Variants in MGST1 observed in about 807,000 individuals in gnomAD.
MGST1 encodes glutathione S-transferase 12.
MGST1 carries 5 observed loss-of-function variants against 8.9 expected under a neutral mutation model. The observed-to-expected ratio is 0.56, with a 90% CI of 0.29 to 1.19. The LOEUF is 1.19. MGST1 is among the 50% of genes most tolerant of loss of function. MGST1 has a pLI of 0.08. For missense variants in MGST1, 182 were observed against 187.4 expected (o/e 0.97, Z 0.17); for synonymous variants, 54 against 67.8 (o/e 0.80, Z 1.00).
chr12:16,431,198 G>A (rs374961179), intron 1 of MGST1, among the ~76,000 whole-genome samples: 1 of 152,214 alleles, frequency 6.6e-6, no homozygotes, highest in East Asian at 1.9e-4. Flanking sequence ...TTTGGCTTCA[G>A]GGGACATTGT....
At chr12:16,527,969 C>A (rs910166370) in intron 4 of MGST1, among the ~76,000 whole-genome samples, 1 of 151,882 alleles carries the variant, frequency 6.6e-6, no homozygotes, top group Non-Finnish European at 1.5e-5. Context: ...AGGTATTTAT[C>A]CAAGTTTGCA....
chr12:16,443,358 G>A (rs979110563), downstream of MGST1, among the ~76,000 whole-genome samples: 16 of 151,756 alleles, frequency 1.1e-4, no homozygotes, highest in Non-Finnish European at 2.4e-4. Flanking sequence ...TTACGACATA[G>A]TTAGGTATAA....
chr12:16,355,069 G>T (rs561890476), intron 2 of MGST1, among the ~76,000 whole-genome samples: 8 of 152,102 alleles, frequency 5.3e-5, no homozygotes, highest in Non-Finnish European at 1.0e-4. Context: ...TTTCACGGGG[G>T]TAGTCCCTGT....
At chr12:16,414,884 C>G (rs766710553) in intron 1 of MGST1, among the ~76,000 whole-genome samples, 1 of 152,004 alleles carries the variant, frequency 6.6e-6, no homozygotes, top group African/African-American at 2.4e-5. Flanking sequence ...ATTAGCCGGG[C>G]GTGATGGCAC....
downstream of MGST1, among the ~76,000 whole-genome samples, chr12:16,365,078 G>T (rs539820405): frequency 1.4e-4 from 22 of 152,204 alleles, no homozygotes; most frequent in Admixed American, 5.2e-4. Flanking sequence ...TAAATTTGAT[G>T]AATTTAGTAA....
intron 4 of MGST1, among the ~76,000 whole-genome samples, chr12:16,490,892 G>A (rs1437844477): frequency 6.6e-6 from 1 of 151,962 alleles, no homozygotes; most frequent in African/African-American, 2.4e-5. Context: ...GAAATGACAT[G>A]ATTTATTAAG....
At chr12:16,358,471 CTT>C (rs796550483) in intron 3 of MGST1, among the ~76,000 whole-genome samples, 5 of 144,748 alleles carry the variant, frequency 3.5e-5, no homozygotes, top group African/African-American at 7.6e-5. Context: ...TGATTTCATT[CTT>C]TTTTTTTTTT....
At chr12:16,454,088 G>A (rs905403654) in intron 4 of MGST1, among the ~76,000 whole-genome samples, 4 of 151,872 alleles carry the variant, frequency 2.6e-5, no homozygotes, top group East Asian at 3.9e-4. Context: ...GGAATGCCCC[G>A]GCCCAGAGGA....
rs1941388824 is a variant in MGST1, at chr12:16,484,859, AT to A, written n.482+101259del. Among the ~76,000 whole-genome samples the A allele has an allele frequency of 2.0e-5, 3 of 152,274 alleles. No homozygotes were observed. The South Asian group carries it at 6.2e-4, about 32-fold the overall frequency. On this transcript the variant is annotated intron_variant and non_coding_transcript_variant, in intron 4 of 4. Transcript: ENST00000538857. ...TCACTTTCCAGTGATGTTGTAAGATATTTTGCATCTTATAAATTTTTTAATT... is the reference window on the plus strand; with the variant it reads ...TCACTTTCCAGTGATGTTGTAAGATATTTGCATCTTATAAATTTTTTAATT...
At chr12:16,437,531 A>G (rs929002267) in exon 2 of MGST1, 3 of 151,810 alleles carry the variant, frequency 2.0e-5, no homozygotes, top group Admixed American at 1.3e-4. Flanking sequence ...AGTTCTTCAT[A>G]CTCTACTGAC....
At chr12:16,580,415 A>G (rs1943123524) in intron 4 of MGST1, among the ~76,000 whole-genome samples, 1 of 152,248 alleles carries the variant, frequency 6.6e-6, no homozygotes, top group African/African-American at 2.4e-5. Flanking sequence ...GGTCTCTTTA[A>G]TAAGTGAATG....
At chr12:16,432,912 A>G (rs757396015) in intron 1 of MGST1, among the ~76,000 whole-genome samples, 4 of 152,116 alleles carry the variant, frequency 2.6e-5, no homozygotes, top group Non-Finnish European at 4.4e-5. Context: ...GTGTCTGTCA[A>G]TGGTGACCTA....
chr12:16,518,813 A>G (rs1457082052), intron 4 of MGST1, among the ~76,000 whole-genome samples: 2 of 152,186 alleles, frequency 1.3e-5, no homozygotes, highest in African/African-American at 4.8e-5. Context: ...TTCTCTCCAG[A>G]GCCTTAGTCC....
chr12:16,569,042 G>A (rs1388062278), intron 4 of MGST1, among the ~76,000 whole-genome samples: 23 of 152,120 alleles, frequency 1.5e-4, no homozygotes, highest in Non-Finnish European at 2.9e-5. Context: ...CCCACCTATT[G>A]TTCCAGTTTC....
intron 4 of MGST1, among the ~76,000 whole-genome samples, chr12:16,543,730 C>T (rs190140513): frequency 1.3e-5 from 2 of 152,090 alleles, no homozygotes; most frequent in East Asian, 3.9e-4. Flanking sequence ...TCATTTTCTG[C>T]CTGATGGCAA....
At chr12:16,421,092 A>T (rs920918926) in intron 1 of MGST1, among the ~76,000 whole-genome samples, 1 of 152,058 alleles carries the variant, frequency 6.6e-6, no homozygotes, top group Admixed American at 6.5e-5. Flanking sequence ...GATCTAGATT[A>T]CTTAACCAGA....
chr12:16,584,589 G>C lies in MGST1; in HGVS notation n.483-4939G>C, dbSNP rs1943260652. ...TAACATTGGCAAGTGGAGGAGTGGG[G>C]GGGGTAAGAGGCCTGTTTAGAGGTG... On this transcript the variant is annotated intron_variant and non_coding_transcript_variant, in intron 4 of 4. Transcript: ENST00000538857. This position sits in a 1 kb window ranked among gnomAD's most constrained non-coding sequence, Gnocchi z 5.2. Among the ~76,000 whole-genome samples, 2 of 152,268 alleles carry C rather than the reference G, an allele frequency of 1.3e-5. No homozygotes were observed. The highest frequency in any genetic ancestry group is 2.1e-4 in the South Asian group (1 of 4,820).
At chr12:16,486,609 A>G (rs73320865) in intron 4 of MGST1, among the ~76,000 whole-genome samples, 1,958 of 152,320 alleles carry the variant, frequency 0.013, 45 homozygotes, top group African/African-American at 0.045. Flanking sequence ...AATCCAAGAG[A>G]CAAGTGTCAA....
intron 1 of MGST1, among the ~76,000 whole-genome samples, chr12:16,436,344 G>A (rs1940986777): frequency 6.6e-6 from 1 of 151,922 alleles, no homozygotes; most frequent in African/African-American, 2.4e-5. Context: ...GACATATGAT[G>A]TGCCTCATTC....
Sources: gnomAD v4.1 joint callset for allele counts (sites outside exome capture counted in the v4.1 genomes callset) on GRCh38, gnomAD v4.1.1 for gene constraint, Gnocchi (gnomAD v3.1) non-coding constraint, MANE v1.5 for transcripts, NCBI Gene and HGNC (gene_info 2026-07-23, HGNC 2026-07-21) for gene names.